Variants in REDIC1 observed in about 807,000 individuals in gnomAD.
The protein encoded by REDIC1 is regulator of DNA class I crossover intermediates 1.
At chr12:39,750,732 G>C in the REDIC1 span, among the ~76,000 whole-genome samples, 1 of 152,120 alleles carries the variant, frequency 6.6e-6, no homozygotes, top group Non-Finnish European at 1.5e-5. Flanking sequence ...CAATGGAACA[G>C]AACAGAGCCC....
chr12:39,872,061 G>A, the REDIC1 span: 1 of 956,674 alleles, frequency 1.0e-6, no homozygotes, highest in South Asian at 2.9e-5. Context: ...AAAATATAAG[G>A]AGAACTACAG....
chr12:39,901,886 T>C, the REDIC1 span, among the ~76,000 whole-genome samples: 91 of 151,374 alleles, frequency 6.0e-4, no homozygotes, highest in Admixed American at 1.3e-3. Flanking sequence ...TAAAGACACA[T>C]GCACACGTAT....
At chr12:39,801,584 A>C in the REDIC1 span, among the ~76,000 whole-genome samples, 1 of 152,230 alleles carries the variant, frequency 6.6e-6, no homozygotes, top group Non-Finnish European at 1.5e-5. Flanking sequence ...AGATTATTAC[A>C]GCAGGAAAAT....
the REDIC1 span, among the ~76,000 whole-genome samples, chr12:39,640,588 A>C: frequency 6.6e-6 from 1 of 152,086 alleles, no homozygotes; most frequent in Middle Eastern, 3.4e-3. Context: ...TAGAATGTTG[A>C]AATACAAAGA....
chr12:39,708,383 T>G, the REDIC1 span, among the ~76,000 whole-genome samples: 1 of 151,846 alleles, frequency 6.6e-6, no homozygotes, highest in Non-Finnish European at 1.5e-5. Context: ...TTTGATTTAT[T>G]TTGTTTAGTC....
chr12:39,822,788 TAA>T, the REDIC1 span, among the ~76,000 whole-genome samples: 4 of 152,224 alleles, frequency 2.6e-5, no homozygotes, highest in African/African-American at 9.6e-5. Flanking sequence ...CTAGAAATAT[TAA>T]GTTTGACTGA....
At chr12:39,810,639 G>T in the REDIC1 span, among the ~76,000 whole-genome samples, 1 of 152,076 alleles carries the variant, frequency 6.6e-6, no homozygotes, top group African/African-American at 2.4e-5. Flanking sequence ...TCAGGTCGAG[G>T]AAGTTTCCTT....
At chr12:39,759,962 T>C in the REDIC1 span, 1 of 1,250,216 alleles carries the variant, frequency 8.0e-7, no homozygotes, top group Non-Finnish European at 1.2e-6. Context: ...GGCAGTGAAG[T>C]CACCAATTGC....
the REDIC1 span, chr12:39,626,207 A>G: frequency 1.1e-6 from 1 of 940,876 alleles, no homozygotes. Flanking sequence ...GCGGTGGACC[A>G]GAAGGAGCTT....
chr12:39,714,285 G>GTATATGCATGCATATATCTATATACT, the REDIC1 span, among the ~76,000 whole-genome samples: 7 of 141,988 alleles, frequency 4.9e-5, 2 homozygotes, highest in Non-Finnish European at 1.1e-4. Context: ...ATGTATATAC[G>GTATATGCATGCATATATCTATATACT]TATATGCATG....
At chr12:39,666,380 A>C in the REDIC1 span, among the ~76,000 whole-genome samples, 24 of 152,012 alleles carry the variant, frequency 1.6e-4, no homozygotes, top group Admixed American at 1.6e-3. Context: ...ATTGATTTGC[A>C]TATGTTGAAC....
the REDIC1 span, among the ~76,000 whole-genome samples, chr12:39,780,050 GA>G: frequency 6.6e-6 from 1 of 152,318 alleles, no homozygotes; most frequent in East Asian, 1.9e-4. Flanking sequence ...TTCCCAACAG[GA>G]ATGTCCTTGA....
chr12:39,902,089 A>T, the REDIC1 span, among the ~76,000 whole-genome samples: 2 of 151,504 alleles, frequency 1.3e-5, no homozygotes, highest in East Asian at 3.9e-4. Context: ...AAGTATCGCA[A>T]GGACAAAAAA....
At chr12:39,680,195 C>T in the REDIC1 span, among the ~76,000 whole-genome samples, 1 of 152,052 alleles carries the variant, frequency 6.6e-6, no homozygotes, top group African/African-American at 2.4e-5. Context: ...AAACAGACAA[C>T]CCAGAAAGTG....
the REDIC1 span, among the ~76,000 whole-genome samples, chr12:39,904,434 G>T: frequency 3.3e-5 from 5 of 152,096 alleles, no homozygotes; most frequent in Non-Finnish European, 7.4e-5. Context: ...TTGTGAGCAG[G>T]TCTTTCTAAG....
At chr12:39,793,205 T>C in the REDIC1 span, among the ~76,000 whole-genome samples, 1 of 152,064 alleles carries the variant, frequency 6.6e-6, no homozygotes, top group Non-Finnish European at 1.5e-5. Context: ...ACTACAATCA[T>C]TGGACATTGA....
At chr12:39,892,587 T>G in the REDIC1 span, among the ~76,000 whole-genome samples, 1 of 152,198 alleles carries the variant, frequency 6.6e-6, no homozygotes, top group Non-Finnish European at 1.5e-5. Flanking sequence ...ATAAATTGGG[T>G]GCATTAAACA....
At chr12:39,838,614 A>G in the REDIC1 span, among the ~76,000 whole-genome samples, 8 of 152,048 alleles carry the variant, frequency 5.3e-5, no homozygotes, top group Non-Finnish European at 1.0e-4. Context: ...AAATGCTTCC[A>G]ATTAAAGTAA....
At chr12:39,883,677 G>A in the REDIC1 span, among the ~76,000 whole-genome samples, 2 of 152,138 alleles carry the variant, frequency 1.3e-5, no homozygotes, top group East Asian at 3.8e-4. Flanking sequence ...TGGCCTTAAA[G>A]GTTCACTTGT....
Sources: allele counts gnomAD v4.1 joint callset (sites outside exome capture counted in the v4.1 genomes callset), GRCh38; gene constraint gnomAD v4.1.1; transcripts MANE v1.5; gene names NCBI Gene and HGNC (gene_info 2026-07-23, HGNC 2026-07-21).